PTPRJ: variants seen among roughly 807,000 people sequenced by gnomAD.
PTPRJ encodes the protein receptor-type tyrosine-protein phosphatase eta.
In PTPRJ, 129 loss-of-function variants were observed where a neutral mutation model predicts 141.3. That is an observed-to-expected ratio of 0.91 (90% CI 0.79 to 1.06). PTPRJ has a LOEUF of 1.06. Among genes scored for constraint, PTPRJ ranks in the 50% least tolerant of loss-of-function variants. The pLI is 0.00. For missense variants in PTPRJ, 1,601 were observed against 1,679.7 expected (o/e 0.95, Z 0.82); for synonymous variants, 610 against 640.5 (o/e 0.95, Z 0.72).
At chr11:48,057,386 A>G (rs1383450189) in intron 1 of PTPRJ, among the ~76,000 whole-genome samples, 1 of 152,232 alleles carries the variant, frequency 6.6e-6, no homozygotes, top group African/African-American at 2.4e-5. Flanking sequence ...TAAGAGAGGC[A>G]CAGTGTAAAG....
At chr11:48,147,402 G>T (rs187098128) in intron 15 of PTPRJ, among the ~76,000 whole-genome samples, 174 of 152,296 alleles carry the variant, frequency 1.1e-3, no homozygotes, top group South Asian at 2.1e-3. Context: ...AATAAATAAG[G>T]CACTTCTCAG....
At chr11:48,130,191 A>G in intron 7 of PTPRJ, among the ~76,000 whole-genome samples, 1 of 151,298 alleles carries the variant, frequency 6.6e-6, no homozygotes, top group African/African-American at 2.4e-5. Flanking sequence ...GCCCTTGACC[A>G]CAGGAGCTCA....
chr11:48,053,966 CTT>C, intron 1 of PTPRJ, among the ~76,000 whole-genome samples: 1 of 117,304 alleles, frequency 8.5e-6, no homozygotes, highest in Non-Finnish European at 1.7e-5. Flanking sequence ...AAGTTTCACT[CTT>C]GTCGCCCAGT....
chr11:48,155,856 C>G lies in PTPRJ; in HGVS notation c.3285C>G (p.Ile1095Met), dbSNP rs756360727. ...AGACCCATTCAACGGATGACTACAT[C>G]AATGCCAACTACATGCCTGTAAGTT... ...SVQTHSTDDY[I>M]NANYMPGYHS... The change falls in exon 20 of 25, where the codon ATC becomes ATG. Residue 1095 changes from isoleucine (I) to methionine (M), a missense_variant. Ile to Met is a conservative substitution (Grantham distance 10, BLOSUM62 1). Coordinates refer to ENST00000418331, the MANE Select transcript of PTPRJ (RefSeq NM_002843.4). 5.0e-5 allele frequency: 81 copies of G among 1,606,548 alleles called. No individual in the cohort carries two copies. Among genetic ancestry groups the G allele is most frequent in the Non-Finnish European group, 6.7e-5 (79 of 1,173,222 alleles).
intron 1 of PTPRJ, among the ~76,000 whole-genome samples, chr11:48,087,460 C>G (rs1473528038): frequency 1.3e-5 from 2 of 152,150 alleles, no homozygotes; most frequent in African/African-American, 4.8e-5. Flanking sequence ...CTCTGTCAAC[C>G]CTTCACATTT....
intron 1 of PTPRJ, among the ~76,000 whole-genome samples, chr11:48,025,737 A>G (rs1313929544): frequency 6.6e-6 from 1 of 152,132 alleles, no homozygotes; most frequent in East Asian, 1.9e-4. Flanking sequence ...GGTCTTCCAT[A>G]CCTTCCTTAC....
At chr11:48,146,424 A>G (rs1857351824) in intron 14 of PTPRJ, among the ~76,000 whole-genome samples, 1 of 152,182 alleles carries the variant, frequency 6.6e-6, no homozygotes. Flanking sequence ...CCCCAGAAGC[A>G]AAGTTTAGGG....
rs1855397251 is a variant in PTPRJ, at chr11:48,076,208, G to A, written c.97-33850G>A. Among the ~76,000 whole-genome samples, 3 of 152,198 alleles carry A rather than the reference G, an allele frequency of 2.0e-5. No homozygotes were observed. In the South Asian group the frequency reaches 6.2e-4, roughly 32 times the overall value. Reference sequence around the variant, plus strand: ...GAGGATACCTAACCCCCAGGAGCTGGTGTGGCTGGGGTACCTTACACAGGG... The same window carrying A: ...GAGGATACCTAACCCCCAGGAGCTGATGTGGCTGGGGTACCTTACACAGGG... On this transcript the variant is annotated intron_variant, in intron 1 of 24. Transcript: ENST00000418331.
intron 1 of PTPRJ, among the ~76,000 whole-genome samples, chr11:48,021,926 G>T (rs1855135766): frequency 6.6e-6 from 1 of 152,100 alleles, no homozygotes; most frequent in South Asian, 2.1e-4. Flanking sequence ...ATTCCTTCTG[G>T]CAAACTCTTT....
chr11:48,155,704 T>G, intron 19 of PTPRJ, 97 bp from the exon 20 acceptor site: 1 of 1,007,894 alleles, frequency 9.9e-7, no homozygotes, highest in Non-Finnish European at 1.5e-6. Flanking sequence ...CAAGTCCCAG[T>G]TTTGCCATTT....
At chr11:47,999,071 CTTAGGGACA>C (rs1854422451) in intron 1 of PTPRJ, among the ~76,000 whole-genome samples, 1 of 152,188 alleles carries the variant, frequency 6.6e-6, no homozygotes. Flanking sequence ...TGGAAAAGAC[CTTAGGGACA>C]TTAGGCTAGG....
At position 48,164,511 on chromosome 11, in the gene PTPRJ, C is replaced by G. The variant is rs1215500114; in HGVS notation, c.3851C>G (p.Thr1284Arg). ...LRMHRPLMVQ[T>R]EDQYVFLNQC... ...ATGCATAGGCCTTTAATGGTGCAGA[C>G]AGAGGTGAGGCCAAGATCTGTATTT... The change falls in exon 24 of 25, where the codon ACA becomes AGA. Residue 1284 changes from threonine (T) to arginine (R), a missense_variant. Transcript: ENST00000418331. 3 of 1,599,202 alleles carry G rather than the reference C, an allele frequency of 1.9e-6. No individual in the cohort carries two copies. The highest frequency in any genetic ancestry group is 2.6e-6 in the Non-Finnish European group (3 of 1,172,390).
rs1190447263 is a variant in PTPRJ at position 48,123,824 on chromosome 11, A to G, written c.828A>G (p.Gln276=). ...ACAACATCAACCCGTATCTTCTACAATCAAATAAGACAAAGGGAGACCCCT... is the reference window on the plus strand; with the variant it reads ...ACAACATCAACCCGTATCTTCTACAGTCAAATAAGACAAAGGGAGACCCCT... The part of the protein sequence containing the change: ...VQYNINPYLL[Q]SNKTKGDPLG... The change falls in exon 5 of 25, where the codon CAA becomes CAG. Residue 276 remains glutamine (Q), a synonymous_variant. Coordinates refer to ENST00000418331, the MANE Select transcript of PTPRJ (RefSeq NM_002843.4). 1.9e-6 allele frequency: 3 copies of G among 1,614,118 alleles called. No individual in the cohort carries two copies. Among genetic ancestry groups the G allele is most frequent in the East Asian group, 2.2e-5 (1 of 44,876 alleles).
intron 1 of PTPRJ, among the ~76,000 whole-genome samples, chr11:47,989,183 G>A (rs895136311): frequency 2.7e-5 from 4 of 150,214 alleles, no homozygotes; most frequent in East Asian, 2.0e-4. Flanking sequence ...GCGCCTGGCC[G>A]TATCTTGTTA....
intron 1 of PTPRJ, among the ~76,000 whole-genome samples, chr11:48,085,883 C>G (rs1855691949): frequency 6.6e-6 from 1 of 152,158 alleles, no homozygotes; most frequent in South Asian, 2.1e-4. Context: ...GTTTGCCTTT[C>G]CAGCTGCGGC....
chr11:48,127,597 C>T (rs1026714655), intron 6 of PTPRJ, among the ~76,000 whole-genome samples, 183 bp from the exon 7 acceptor site: 2 of 152,128 alleles, frequency 1.3e-5, no homozygotes, highest in Non-Finnish European at 2.9e-5. Context: ...GTTTCTTCAC[C>T]GCCCAATGAT....
Position 48,013,513 on chromosome 11 carries a change from G to A in PTPRJ, c.96+32505G>A, listed in dbSNP as rs74847304. Among the ~76,000 whole-genome samples the A allele has an allele frequency of 9.1e-3, 1,382 of 152,264 alleles. 24 individuals are homozygous for A. The highest frequency in any genetic ancestry group is 0.032 in the African/African-American group (1,334 of 41,542). ...AGTAAACATTTGTTAATCATTTCCT[G>A]CCTAGGGAAGCTCTGTGGTATGCTC... On this transcript the variant is annotated intron_variant, in intron 1 of 24. Transcript: ENST00000418331.
At chr11:48,137,741 G>A (rs1026245344) in intron 10 of PTPRJ, among the ~76,000 whole-genome samples, 3 of 152,160 alleles carry the variant, frequency 2.0e-5, no homozygotes, top group African/African-American at 7.2e-5. Flanking sequence ...GGGAGGAGTG[G>A]ACCCGCAGGA....
chr11:48,121,203 T>A lies in PTPRJ; in HGVS notation c.553T>A (p.Ser185Thr). The change falls in exon 4 of 25, where the codon TCC becomes ACC. Residue 185 changes from serine (S) to threonine (T), a missense_variant. By Grantham distance (58) the Ser-to-Thr change is moderately conservative. Coordinates refer to ENST00000418331, the MANE Select transcript of PTPRJ (RefSeq NM_002843.4). ...ACGTCCAGCGACTTCATATGTATTC[T>A]CCATCACTCCAGGAATAGGCAATGA... ...GLRPATSYVF[S>T]ITPGIGNETW... 6.2e-7 allele frequency: 1 copy of A among 1,614,108 alleles called. No homozygotes were observed. Among genetic ancestry groups the A allele is most frequent in the Non-Finnish European group, 8.5e-7 (1 of 1,179,966 alleles).
Sources: gnomAD v4.1 joint callset for allele counts (sites outside exome capture counted in the v4.1 genomes callset) on GRCh38, gnomAD v4.1.1 for gene constraint, MANE v1.5 for transcripts, NCBI Gene and HGNC (gene_info 2026-07-23, HGNC 2026-07-21) for gene names.